The following CSMD3 variants were observed in gnomAD, a reference collection of about 807,000 sequenced individuals.
The protein encoded by CSMD3 is CUB and Sushi multiple domains 3.
CSMD3 carries 177 observed loss-of-function variants against 435.2 expected under a neutral mutation model. That is an observed-to-expected ratio of 0.41 (90% CI 0.36 to 0.46). The LOEUF (loss-of-function observed/expected upper bound fraction) is 0.46, where lower values mean the gene tolerates loss of function less well. Ranked by LOEUF, CSMD3 falls within the 20% of genes least tolerant of loss-of-function variation. The probability of loss-of-function intolerance (pLI) is 0.34; values close to 1 mark genes in which losing one functional copy is unlikely to be tolerated. For missense variants in CSMD3, 4,265 were observed against 4,504.6 expected, an observed-to-expected ratio of 0.95 and a Z score of 1.52; for synonymous variants, 1,656 against 1,520.5, an observed-to-expected ratio of 1.09 and a Z score of -2.07.
intron 38 of CSMD3, among the ~76,000 whole-genome samples, chr8:112,371,410 A>C (rs981420324): frequency 1.3e-5 from 2 of 152,058 alleles, no homozygotes; most frequent in Non-Finnish European, 2.9e-5. Context: ...AGAACCAATG[A>C]GTACTGGGGA....
intron 1 of CSMD3, among the ~76,000 whole-genome samples, chr8:113,320,035 C>T (rs1490928183): frequency 1.3e-5 from 2 of 151,954 alleles, no homozygotes; most frequent in Non-Finnish European, 2.9e-5. Context: ...TGGGAGCTGA[C>T]AATCTAAAAC....
At chr8:112,523,523 A>G (rs1473970314) in intron 27 of CSMD3, among the ~76,000 whole-genome samples, 2 of 151,870 alleles carry the variant, frequency 1.3e-5, no homozygotes, top group African/African-American at 4.8e-5. Context: ...CCTCTCTTTC[A>G]GCTTTATTGC....
intron 1 of CSMD3, among the ~76,000 whole-genome samples, chr8:113,405,610 C>T (rs370646201): frequency 1.9e-4 from 29 of 151,346 alleles, no homozygotes; most frequent in African/African-American, 5.3e-4. Flanking sequence ...TACCTGTAAA[C>T]GGAGGGAAGA....
rs1191736186 is a variant in CSMD3 at position 113,132,721 on chromosome 8, ATTC to A, written c.710-33761_710-33759del. 6.0e-4 allele frequency among the ~76,000 whole-genome samples: 91 copies of A among 152,298 alleles called. 2 individuals are homozygous for A. In the South Asian group the frequency reaches 0.017, roughly 28 times the overall value. The stretch of plus-strand genomic sequence containing the variant: ...TTTCCCAAAGAATAAAAATACAAGA[ATTC>A]ACAAGAATATGCAAGACACATTTTG... On this transcript the variant is annotated intron_variant, in intron 4 of 70. Transcript: ENST00000297405.
intron 5 of CSMD3, among the ~76,000 whole-genome samples, chr8:113,037,991 G>T (rs1000220403): frequency 4.0e-4 from 61 of 152,160 alleles, no homozygotes; most frequent in African/African-American, 1.3e-3. Flanking sequence ...CACCCGTGCA[G>T]AATGACAGCT....
intron 3 of CSMD3, among the ~76,000 whole-genome samples, chr8:113,186,366 T>G (rs2092501886): frequency 6.6e-6 from 1 of 151,990 alleles, no homozygotes; most frequent in Non-Finnish European, 1.5e-5. Flanking sequence ...AAAAACAACA[T>G]GTAATTCAGC....
At chr8:112,399,923 T>C (rs1194238967) in intron 35 of CSMD3, among the ~76,000 whole-genome samples, 6 of 152,172 alleles carry the variant, frequency 3.9e-5, no homozygotes, top group African/African-American at 1.4e-4. Context: ...TTCCTCCTTT[T>C]CTTCTGAGCC....
intron 9 of CSMD3, among the ~76,000 whole-genome samples, chr8:112,928,685 C>T (rs1411283913): frequency 2.0e-5 from 3 of 149,074 alleles, no homozygotes; most frequent in Non-Finnish European, 3.0e-5. Context: ...TCCAGTCTAT[C>T]ATTGTTGGAC....
intron 3 of CSMD3, among the ~76,000 whole-genome samples, chr8:113,219,152 A>G (rs1269299725): frequency 6.6e-6 from 1 of 151,380 alleles, no homozygotes; most frequent in East Asian, 1.9e-4. Context: ...AGAAAGAGCA[A>G]TTTCCACTAG....
intron 22 of CSMD3, among the ~76,000 whole-genome samples, chr8:112,624,301 GA>G (rs1395919419): frequency 6.6e-6 from 1 of 151,938 alleles, no homozygotes; most frequent in Non-Finnish European, 1.5e-5. Flanking sequence ...ACAAATTCAA[GA>G]AAAACTTCTT....
In CSMD3 at chr8:112,685,571, C is replaced by A. The variant is rs1410319945; in HGVS notation, c.2317G>T (p.Asp773Tyr). ...TCACCATCTTTAACAGCAAGGAAAT[C>A]AAACTGGGATTCCAGGTCAAAGTCA... ...FNDFDLESQFDFLAVKDGDSP... is the reference protein window; with the variant it reads ...FNDFDLESQFYFLAVKDGDSP... The change falls in exon 15 of 71, where the codon GAT becomes TAT. Residue 773 changes from aspartate to tyrosine, a missense_variant. Physicochemically the swap from Asp to Tyr is radical, Grantham distance 160 (BLOSUM62 -3). This residue lies in a region of CSMD3 where 279 missense variants were observed against 369.0 expected (regional missense o/e 0.76). Transcript: ENST00000297405. The A allele has an allele frequency of 1.9e-6, 3 of 1,613,996 alleles. No individual in the cohort carries two copies. The highest frequency in any genetic ancestry group is 2.5e-6 in the Non-Finnish European group (3 of 1,179,966).
At chr8:112,230,046 C>A (rs1812947437) in intron 69 of CSMD3, among the ~76,000 whole-genome samples, 2 of 152,116 alleles carry the variant, frequency 1.3e-5, no homozygotes, top group African/African-American at 4.8e-5. Context: ...CTACTTGAAG[C>A]TCAGTAAATG....
chr8:112,468,612 G>A (rs1436752161), intron 32 of CSMD3, among the ~76,000 whole-genome samples: 2 of 151,716 alleles, frequency 1.3e-5, no homozygotes, highest in Non-Finnish European at 2.9e-5. Flanking sequence ...TATACGAAAT[G>A]AAAAGTAAAA....
At chr8:112,935,716 C>A (rs1352338119) in intron 9 of CSMD3, among the ~76,000 whole-genome samples, 3 of 146,688 alleles carry the variant, frequency 2.0e-5, no homozygotes, top group African/African-American at 2.5e-5. Flanking sequence ...AAAAAAAAAA[C>A]AGGTTGTATG....
intron 45 of CSMD3, among the ~76,000 whole-genome samples, chr8:112,320,769 A>T (rs1409903266): frequency 6.6e-6 from 1 of 152,054 alleles, no homozygotes; most frequent in Non-Finnish European, 1.5e-5. Context: ...ACTGTTAAAG[A>T]GAGTTAAAAA....
intron 36 of CSMD3, 86 bp downstream of exon 36, chr8:112,390,578 T>C: frequency 2.5e-6 from 3 of 1,185,700 alleles, no homozygotes; most frequent in Non-Finnish European, 3.8e-6. Context: ...CTTGCTAAAC[T>C]TTTAGAAATA....
At chr8:112,828,831 A>C (rs1219792365) in intron 12 of CSMD3, among the ~76,000 whole-genome samples, 1 of 152,140 alleles carries the variant, frequency 6.6e-6, no homozygotes, top group Non-Finnish European at 1.5e-5. Flanking sequence ...GTTGAGGTCA[A>C]GAGTGCATGA....
chr8:113,059,090 AT>A (rs1173336297), intron 5 of CSMD3, among the ~76,000 whole-genome samples: 3 of 152,186 alleles, frequency 2.0e-5, no homozygotes, highest in Non-Finnish European at 4.4e-5. Flanking sequence ...CCTACTCATG[AT>A]TCCCCAAAGA....
At chr8:112,990,234 G>A (rs1353710592) in intron 6 of CSMD3, among the ~76,000 whole-genome samples, 1 of 151,938 alleles carries the variant, frequency 6.6e-6, no homozygotes, top group Non-Finnish European at 1.5e-5. Context: ...GGCACAAGGA[G>A]CAAAACTGAA....
Sources: gnomAD v4.1 joint callset for allele counts (sites outside exome capture counted in the v4.1 genomes callset) on GRCh38, gnomAD v4.1.1 for gene constraint, gnomAD v4.1.1 regional missense constraint, MANE v1.5 for transcripts, NCBI Gene and HGNC (gene_info 2026-07-23, HGNC 2026-07-21) for gene names.